FGF6: variants seen among roughly 807,000 people sequenced by gnomAD.
The protein encoded by FGF6 is FGF-6.
Under a neutral mutation model 18.4 loss-of-function variants are expected in FGF6, and 14 were observed. That is an observed-to-expected ratio of 0.76 (90% CI 0.50 to 1.19). The LOEUF is 1.19. FGF6 is among the 50% of genes most tolerant of loss of function. The pLI, the probability that FGF6 is intolerant of heterozygous loss-of-function variation, is 0.00. For synonymous variants in FGF6, 125 were observed against 116.7 expected, an observed-to-expected ratio of 1.07 and a Z score of -0.46; for missense variants, 266 against 271.6, an observed-to-expected ratio of 0.98 and a Z score of 0.15.
intron 2 of FGF6, among the ~76,000 whole-genome samples, chr12:4,439,008 C>T (rs1865656539): frequency 6.6e-6 from 1 of 152,166 alleles, no homozygotes; most frequent in Admixed American, 6.5e-5. Context: ...GAACGATATA[C>T]TGGAATGAAA....
intron 2 of FGF6, 30 bp downstream of exon 2, chr12:4,444,103 C>T (rs751693918): frequency 7.0e-7 from 1 of 1,433,988 alleles, no homozygotes; most frequent in South Asian, 1.2e-5. Context: ...GCCTTGTAAA[C>T]CTGGCACTTC....
At chr12:4,436,255 A>G (rs1431800696) in intron 2 of FGF6, among the ~76,000 whole-genome samples, 1 of 152,092 alleles carries the variant, frequency 6.6e-6, no homozygotes. Context: ...TTCTTTCCCA[A>G]TAGACTCCAA....
chr12:4,442,940 G>A (rs1865709536), intron 2 of FGF6, among the ~76,000 whole-genome samples: 1 of 152,214 alleles, frequency 6.6e-6, no homozygotes, highest in African/African-American at 2.4e-5. Flanking sequence ...TGGATTTCCA[G>A]GCCCACACGC....
chr12:4,445,343 A>G lies in FGF6; in HGVS notation c.228T>C (p.Ser76=), dbSNP rs1865747786. The G allele has an allele frequency of 6.2e-7, 1 of 1,613,774 alleles. No homozygotes were observed. The highest frequency in any genetic ancestry group is 1.3e-5 in the African/African-American group (1 of 74,864). Reference sequence around the variant, plus strand: ...GCCGCTTGATCCCCACCAAATAGCCACTTTCCCAGTTCACCCCGGCAATCT... The same window carrying G: ...GCCGCTTGATCCCCACCAAATAGCCGCTTTCCCAGTTCACCCCGGCAATCT... The part of the protein sequence containing the change: ...AGEIAGVNWE[S]GYLVGIKRQR... Residue 76 remains serine, a synonymous_variant, in exon 1 of 3, where the codon AGT becomes AGC. Transcript: ENST00000228837. The surrounding 1 kb of genome is among the most constrained non-coding windows in gnomAD (Gnocchi z 5.5).
At chr12:4,439,875 G>A (rs1028067496) in intron 2 of FGF6, among the ~76,000 whole-genome samples, 3 of 152,140 alleles carry the variant, frequency 2.0e-5, no homozygotes, top group African/African-American at 7.2e-5. Context: ...CCACATCTGT[G>A]GGGTTTGGAA....
In FGF6 at chr12:4,437,955, T is replaced by G. The variant is rs17177319; in HGVS notation, c.451-3564A>C. Among the ~76,000 whole-genome samples the G allele has an allele frequency of 6.6e-5, 10 of 152,242 alleles. No homozygotes were observed. In the East Asian group the frequency reaches 1.2e-3, roughly 18 times the overall value. The stretch of plus-strand genomic sequence containing the variant: ...AAACCATTTTTAAAAAGTAATAAAT[T>G]GTCTTCTACTTGAAAAATATTACCT... On this transcript the variant is annotated intron_variant, in intron 2 of 2. Coordinates refer to ENST00000228837, the MANE Select transcript of FGF6 (RefSeq NM_020996.3).
At position 4,445,086 on chromosome 12, in the gene FGF6, G is replaced by C. The variant is rs1210701061; in HGVS notation, c.346+139C>G. The C allele has an allele frequency of 4.0e-6, 3 of 745,088 alleles. No individual in the cohort carries two copies. The highest frequency in any genetic ancestry group is 6.5e-6 in the Non-Finnish European group (3 of 464,744). 46.2% of individuals were successfully genotyped at this position (745,088 alleles called of 1,614,324 possible). A position where few individuals can be genotyped will look rare whatever the true frequency, so the allele number is the denominator to read the frequency against. Reference sequence around the variant, plus strand: ...TGAGCTTGCACCCAGGCAGGGTCACGTGGAATCATCTAAGTGGTGAGCAGC... The same window carrying C: ...TGAGCTTGCACCCAGGCAGGGTCACCTGGAATCATCTAAGTGGTGAGCAGC... On this transcript the variant is annotated intron_variant, in intron 1 of 2. Transcript: ENST00000228837. This position sits in a 1 kb window ranked among gnomAD's most constrained non-coding sequence, Gnocchi z 5.5.
At chr12:4,444,264 C>T (rs1193346803) in intron 1 of FGF6, 28 bp from the exon 2 acceptor site, 1 of 1,487,626 alleles carries the variant, frequency 6.7e-7, no homozygotes, top group Non-Finnish European at 9.4e-7. Flanking sequence ...GCCACATTAC[C>T]TAAGGCTTGT....
At chr12:4,434,921 C>T (rs1565469478) in intron 2 of FGF6, among the ~76,000 whole-genome samples, 2 of 152,084 alleles carry the variant, frequency 1.3e-5, no homozygotes, top group Admixed American at 6.5e-5. Flanking sequence ...TTTCTGCAGA[C>T]TGTGTGTGGT....
chr12:4,445,053 C>T lies in FGF6; in HGVS notation c.346+172G>A, dbSNP rs1038456886. ...AAAGAACACCAGGATGCTTGGACCG[C>T]AGTATATTGAGCTTGCACCCAGGCA... On this transcript the variant is annotated intron_variant, in intron 1 of 2. Transcript: ENST00000228837. The surrounding 1 kb of genome is among the most constrained non-coding windows in gnomAD (Gnocchi z 5.5). 6.6e-6 allele frequency among the ~76,000 whole-genome samples: 1 copy of T among 152,144 alleles called. No individual in the cohort carries two copies. The highest frequency in any genetic ancestry group is 6.5e-5 in the Admixed American group (1 of 15,286).
At chr12:4,439,485 C>T (rs1464589388) in intron 2 of FGF6, among the ~76,000 whole-genome samples, 2 of 152,060 alleles carry the variant, frequency 1.3e-5, no homozygotes, top group Non-Finnish European at 2.9e-5. Context: ...AAGCCATTGC[C>T]CACTTCCCCG....
chr12:4,444,148 T>C lies in FGF6; in HGVS notation c.435A>G (p.Gly145=), dbSNP rs762223929. ...GTGAACTCACCGTTGCGTACAATCT[T>C]CCTTTACTGTTCATGGCAACGAAGA... The part of the protein sequence containing the change: ...SALFVAMNSK[G]RLYATPSFQE... Residue 145 remains glycine, a synonymous_variant, in exon 2 of 3, where the codon GGA becomes GGG. Transcript: ENST00000228837. 1 of 1,612,288 alleles carries C rather than the reference T, an allele frequency of 6.2e-7. No individual in the cohort carries two copies. The highest frequency in any genetic ancestry group is 1.3e-5 in the African/African-American group (1 of 74,876).
chr12:4,445,645 G>T lies in FGF6; in HGVS notation c.-75C>A. On this transcript the variant is annotated 5_prime_UTR_variant, in exon 1 of 3. Transcript: ENST00000228837. The surrounding 1 kb of genome is among the most constrained non-coding windows in gnomAD (Gnocchi z 5.5). Reference sequence around the variant, plus strand: ...CGCCCTTCTTGTTTTTCTCCCTCCGGCATGGCGGCAGGGGCTTATTTTTGG... The same window carrying T: ...CGCCCTTCTTGTTTTTCTCCCTCCGTCATGGCGGCAGGGGCTTATTTTTGG... 1.6e-6 allele frequency: 2 copies of T among 1,242,638 alleles called. No homozygotes were observed. The highest frequency in any genetic ancestry group is 2.2e-6 in the Non-Finnish European group (2 of 913,010). 77.0% of individuals were successfully genotyped at this position (1,242,638 alleles called of 1,614,324 possible).
At position 4,442,461 on chromosome 12, in the gene FGF6, G is replaced by A. The variant is rs17183640; in HGVS notation, c.450+1672C>T. Among the ~76,000 whole-genome samples, 439 of 152,204 alleles carry A rather than the reference G, an allele frequency of 2.9e-3. 1 individual carries two copies. Among genetic ancestry groups the A allele is most frequent in the Non-Finnish European group, 4.6e-3 (312 of 68,002 alleles). On this transcript the variant is annotated intron_variant, in intron 2 of 2. Coordinates refer to ENST00000228837, the MANE Select transcript of FGF6 (RefSeq NM_020996.3). Reference sequence around the variant, plus strand: ...CACAATTAAATTCCTTTCTGGGTAGGAAGAAAAAAGTAATAAATGGTTTGT... The same window carrying A: ...CACAATTAAATTCCTTTCTGGGTAGAAAGAAAAAAGTAATAAATGGTTTGT...
chr12:4,436,910 C>T (rs1288482698), intron 2 of FGF6, among the ~76,000 whole-genome samples: 1 of 152,130 alleles, frequency 6.6e-6, no homozygotes, highest in African/African-American at 2.4e-5. Context: ...TCCTGTTTTC[C>T]TCGTTAGGAT....
intron 1 of FGF6, among the ~76,000 whole-genome samples, chr12:4,444,897 C>T (rs1019208541): frequency 6.6e-6 from 1 of 152,232 alleles, no homozygotes; most frequent in Non-Finnish European, 1.5e-5. Context: ...TCCAAGTATA[C>T]TAACTGATTC....
At position 4,434,373 on chromosome 12, in the gene FGF6, A is replaced by G. The variant is rs748009704; in HGVS notation, c.469T>C (p.Cys157Arg). 1 of 1,614,172 alleles carries G rather than the reference A, an allele frequency of 6.2e-7. No homozygotes were observed. The highest frequency in any genetic ancestry group is 8.5e-7 in the Non-Finnish European group (1 of 1,180,028). ...GGCAGGAGGGTTTCTCTGAACTTGC[A>G]TTCTTCTTGGAAGCTGGGCTGTGGA... is the stretch of plus-strand genomic sequence containing the variant. ...LYATPSFQEECKFRETLLPNN... is the reference protein window; with the variant it reads ...LYATPSFQEERKFRETLLPNN... The change falls in exon 3 of 3, where the codon TGC becomes CGC. Residue 157 changes from cysteine to arginine, a missense_variant. Coordinates refer to ENST00000228837, the MANE Select transcript of FGF6 (RefSeq NM_020996.3).
chr12:4,445,546 T>C lies in FGF6; in HGVS notation c.25A>G (p.Ile9Val). MALGQKLF[I>V]TMSRGAGRLQ... ...CGTCCTGCTCCCCGGGACATAGTGA[T>C]GAACAGTTTCTGTCCCAGGGCCATC... Residue 9 changes from isoleucine (I) to valine (V), a missense_variant, in exon 1 of 3, where the codon ATC becomes GTC. Physicochemically the swap from Ile to Val is conservative, Grantham distance 29. Coordinates refer to ENST00000228837, the MANE Select transcript of FGF6 (RefSeq NM_020996.3). The surrounding 1 kb of genome is among the most constrained non-coding windows in gnomAD (Gnocchi z 5.5). 1.2e-6 allele frequency: 2 copies of C among 1,602,580 alleles called. No homozygotes were observed. The highest frequency in any genetic ancestry group is 1.7e-6 in the Non-Finnish European group (2 of 1,173,866).
chr12:4,443,307 T>C (rs1865714232), intron 2 of FGF6, among the ~76,000 whole-genome samples: 2 of 152,208 alleles, frequency 1.3e-5, no homozygotes, highest in African/African-American at 4.8e-5. Context: ...ATAACTTTGA[T>C]ATTTTTTGAG....
Sources: allele counts gnomAD v4.1 joint callset (sites outside exome capture counted in the v4.1 genomes callset), GRCh38; gene constraint gnomAD v4.1.1; non-coding constraint Gnocchi (gnomAD v3.1); transcripts MANE v1.5; gene names NCBI Gene and HGNC (gene_info 2026-07-23, HGNC 2026-07-21).